Variants in JAK1 observed in about 807,000 individuals in gnomAD.
The protein encoded by JAK1 is tyrosine-protein kinase JAK1.
A neutral mutation model predicts 136.6 loss-of-function variants in JAK1; 16 were observed. That is an observed-to-expected ratio of 0.12 (90% CI 0.08 to 0.18). The LOEUF (loss-of-function observed/expected upper bound fraction) is 0.18. Ranked by LOEUF, JAK1 falls within the 10% of genes least tolerant of loss-of-function variation. The probability of loss-of-function intolerance (pLI) is 1.00; values close to 1 mark genes in which losing one functional copy is unlikely to be tolerated. For missense variants in JAK1, 859 were observed against 1,450.1 expected (o/e 0.59, Z 6.62); for synonymous variants, 492 against 519.5 (o/e 0.95, Z 0.72).
chr1:64,871,619 T>C (rs1281367802), intron 5 of JAK1, among the ~76,000 whole-genome samples: 2 of 152,180 alleles, frequency 1.3e-5, no homozygotes, highest in South Asian at 2.1e-4. Flanking sequence ...CCATTATCCA[T>C]CCGACATCAC....
intron 2 of JAK1, among the ~76,000 whole-genome samples, chr1:65,002,646 G>C (rs1166851966): frequency 1.3e-5 from 2 of 152,238 alleles, no homozygotes; most frequent in Admixed American, 6.5e-5. Flanking sequence ...GCAGGCTTCC[G>C]CGGAGCCAGC....
intron 1 of JAK1, among the ~76,000 whole-genome samples, chr1:64,888,245 G>C (rs1318487139): frequency 6.6e-6 from 1 of 152,254 alleles, no homozygotes; most frequent in South Asian, 2.1e-4. Flanking sequence ...GCAGTGGCAT[G>C]ATCTCAGCTC....
At chr1:64,881,204 G>A (rs2101239162) in intron 3 of JAK1, among the ~76,000 whole-genome samples, 1 of 151,558 alleles carries the variant, frequency 6.6e-6, no homozygotes, top group Middle Eastern at 3.4e-3. Flanking sequence ...CACAGTTATA[G>A]TGAGCTATGA....
chr1:64,902,583 A>AGAGAGAGAGAGAGAGTGTGTGTGTGT, intron 1 of JAK1, among the ~76,000 whole-genome samples: 10 of 73,792 alleles, frequency 1.4e-4, no homozygotes, highest in African/African-American at 4.9e-4. Flanking sequence ...AGAGAGAGAG[A>AGAGAGAGAGAGAGAGTGTGTGTGTGT]GTGTGTGTGT....
Position 64,949,642 on chromosome 1 carries a change from C to T in JAK1, c.-78+16691G>A, listed in dbSNP as rs1334854016. 2.6e-5 allele frequency among the ~76,000 whole-genome samples: 4 copies of T among 152,186 alleles called. No homozygotes were observed. The East Asian group carries it at 7.7e-4, about 29-fold the overall frequency. The stretch of plus-strand genomic sequence containing the variant: ...ATAATGGTCCGTATTTGACATGTTA[C>T]TTGCCAGTGGGTTGCCTGTACAACA... On this transcript the variant is annotated intron_variant, in intron 1 of 24. Transcript: ENST00000342505.
chr1:64,973,009 A>C lies in JAK1; in HGVS notation c.-78+71471T>G, dbSNP rs186852234. On this transcript the variant is annotated intron_variant, in intron 2 of 25. Coordinates refer to the JAK1 transcript ENST00000671954. ...GTGGCATGCATCTGTAGTCCTAGCT[A>C]CTGAGGAGGCTGAGGCAGGAGGATT... 335 of 152,040 alleles carry C rather than the reference A, an allele frequency of 2.2e-3. 2 individuals carry two copies. Among genetic ancestry groups the C allele is most frequent in the Non-Finnish European group, 4.0e-3 (269 of 68,092 alleles). The allele number at this position is 152,040 out of a possible 1,614,324, so 9.4% of individuals were successfully genotyped here.
intron 2 of JAK1, among the ~76,000 whole-genome samples, chr1:65,033,624 A>G (rs1647044260): frequency 6.6e-6 from 1 of 151,436 alleles, no homozygotes; most frequent in African/African-American, 2.4e-5. Flanking sequence ...GAACTGGCTC[A>G]TGCCTGTAAT....
intron 1 of JAK1, among the ~76,000 whole-genome samples, chr1:65,064,623 G>A (rs747494623): frequency 6.6e-5 from 10 of 152,186 alleles, no homozygotes; most frequent in Non-Finnish European, 1.5e-4. Flanking sequence ...AGGTAGAGGT[G>A]GAAAATCCTG....
rs780968006 is a variant in JAK1 at position 65,053,030 on chromosome 1, CAAAAAAAAAAAAA to C, written c.-180-8461_-180-8449del. On this transcript the variant is annotated intron_variant, in intron 1 of 25. Coordinates refer to the JAK1 transcript ENST00000671954. ...TGGTGACAGAGCAAGACTCTTGTCT[CAAAAAAAAAAAAA>C]AAAAAAAAAAAAAGACTAGAGGCTG... is the stretch of plus-strand genomic sequence containing the variant. Among the ~76,000 whole-genome samples the C allele has an allele frequency of 3.7e-4, 16 of 43,716 alleles. No homozygotes were observed. In the South Asian group the frequency reaches 0.01, roughly 27 times the overall value. 28.7% of individuals were successfully genotyped at this position (43,716 alleles called of 152,430 possible).
chr1:64,909,834 CAG>C (rs1645252604), intron 1 of JAK1, among the ~76,000 whole-genome samples: 1 of 152,022 alleles, frequency 6.6e-6, no homozygotes, highest in Non-Finnish European at 1.5e-5. Context: ...AAAAATAAGA[CAG>C]GGTCTCAAAA....
intron 1 of JAK1, among the ~76,000 whole-genome samples, chr1:64,904,053 T>A (rs1645153761): frequency 6.6e-6 from 1 of 152,208 alleles, no homozygotes; most frequent in Non-Finnish European, 1.5e-5. Flanking sequence ...TCAGTAACAT[T>A]TACTGAGACA....
intron 2 of JAK1, among the ~76,000 whole-genome samples, chr1:64,989,152 C>T (rs1646631404): frequency 6.7e-6 from 1 of 148,708 alleles, no homozygotes; most frequent in African/African-American, 2.5e-5. Flanking sequence ...TGGTCAAACC[C>T]CATCTCTACT....
intron 1 of JAK1, among the ~76,000 whole-genome samples, chr1:64,924,642 T>C (rs1248961582): frequency 6.6e-6 from 1 of 152,204 alleles, no homozygotes; most frequent in East Asian, 1.9e-4. Context: ...TGGGTGGTAG[T>C]TCTTCTAAAA....
chr1:65,049,541 G>C (rs914097983), intron 1 of JAK1, among the ~76,000 whole-genome samples: 2 of 152,160 alleles, frequency 1.3e-5, no homozygotes, highest in South Asian at 4.1e-4. Context: ...ACCTTGGTGG[G>C]CATGAGCTTT....
intron 20 of JAK1, chr1:64,839,389 C>G: frequency 2.2e-6 from 1 of 456,260 alleles, no homozygotes; most frequent in South Asian, 4.3e-5. Flanking sequence ...CTGGAACCAG[C>G]CCCTGGATGG....
At chr1:64,871,649 A>G (rs531739824) in intron 5 of JAK1, among the ~76,000 whole-genome samples, 3 of 152,328 alleles carry the variant, frequency 2.0e-5, no homozygotes, top group African/African-American at 7.2e-5. Context: ...AAACCCAGTC[A>G]TCATCTTTGA....
At chr1:64,981,699 C>T (rs952210250) in intron 2 of JAK1, among the ~76,000 whole-genome samples, 15 of 152,140 alleles carry the variant, frequency 9.9e-5, no homozygotes, top group African/African-American at 3.6e-4. Context: ...TTTAAGTACC[C>T]TTACCTCCCA....
At chr1:64,864,483 G>A (rs1656572266) in intron 8 of JAK1, among the ~76,000 whole-genome samples, 1 of 152,208 alleles carries the variant, frequency 6.6e-6, no homozygotes, top group South Asian at 2.1e-4. Context: ...ACATTCGCTG[G>A]TTTTCTTTTC....
rs2101074572 is a variant in JAK1, at chr1:64,860,249, G to A, written c.1190C>T (p.Ser397Phe). The A allele has an allele frequency of 6.2e-7, 1 of 1,604,346 alleles. No homozygotes were observed. Among genetic ancestry groups the A allele is most frequent in the Non-Finnish European group, 8.5e-7 (1 of 1,173,822 alleles). The change falls in exon 9 of 25, where the codon TCT becomes TTT. Residue 397 changes from serine to phenylalanine, a missense_variant. Transcript: ENST00000342505. Reference protein sequence around the residue: ...QDNKKMELKLSSHEEALSFVS... With the variant: ...QDNKKMELKLFSHEEALSFVS... ...AAAGGACAAGGCCTCCTCGTGGGAA[G>A]AGAGCTTCAGTTCCTGTTGAGAGAG...
Sources: gnomAD v4.1 joint callset for allele counts (sites outside exome capture counted in the v4.1 genomes callset) on GRCh38, gnomAD v4.1.1 for gene constraint, MANE v1.5 for transcripts, NCBI Gene and HGNC (gene_info 2026-07-23, HGNC 2026-07-21) for gene names.